The following AMMECR1 variants were observed in gnomAD, a reference collection of about 807,000 sequenced individuals.
AMMECR1 encodes the protein nuclear protein AMMECR1.
A neutral mutation model predicts 22.5 loss-of-function variants in AMMECR1; 3 were observed. The ratio of observed to expected loss-of-function variants is 0.13; its 90% CI spans 0.06 to 0.35. The LOEUF (loss-of-function observed/expected upper bound fraction) is 0.35, where lower values mean the gene tolerates loss of function less well. Ranked by LOEUF, AMMECR1 falls within the 10% of genes least tolerant of loss-of-function variation. The probability of loss-of-function intolerance (pLI) is 1.00; values close to 1 mark genes in which losing one functional copy is unlikely to be tolerated. For missense variants in AMMECR1, 235 were observed against 278.7 expected (o/e 0.84, Z 1.12); for synonymous variants, 130 against 116.7 (o/e 1.11, Z -0.74).
At chrX:110,430,795 G>A (rs1412178918) in intron 1 of AMMECR1, among the ~76,000 whole-genome samples, 1 of 112,496 alleles carries the variant, frequency 8.9e-6, no homozygotes, top group Non-Finnish European at 1.9e-5. Context: ...GTGAATAAAT[G>A]ACTGTTTTGA....
At chrX:110,325,790 T>A (rs889702906) in intron 2 of AMMECR1, among the ~76,000 whole-genome samples, 1 of 112,007 alleles carries the variant, frequency 8.9e-6, no homozygotes, top group African/African-American at 3.2e-5. Flanking sequence ...TTTATCTCTG[T>A]TTTAATCTTT....
At chrX:110,320,213 A>T (rs2068073767), upstream of AMMECR1, among the ~76,000 whole-genome samples, 1 of 112,382 alleles carries the variant, frequency 8.9e-6, no homozygotes, top group East Asian at 2.8e-4. Flanking sequence ...CAGAAGAGAA[A>T]GCAGATTGGT....
At chrX:110,397,059 C>G (rs759306230) in intron 2 of AMMECR1, among the ~76,000 whole-genome samples, 17 of 112,003 alleles carry the variant, frequency 1.5e-4, no homozygotes, top group Non-Finnish European at 3.2e-4. Context: ...TGCTCTCTGC[C>G]AAAGCAGATG....
chrX:110,334,286 A>C (rs973276641), intron 2 of AMMECR1, among the ~76,000 whole-genome samples: 2 of 111,982 alleles, frequency 1.8e-5, no homozygotes, highest in Non-Finnish European at 3.8e-5. Context: ...TCATGGCTGC[A>C]ATTCTAATTT....
rs1253194932 is a variant in AMMECR1, at chrX:110,197,833, C to T, written c.*687G>A. The T allele has an allele frequency of 8.9e-6, 1 of 111,813 alleles. No individual in the cohort carries two copies. The highest frequency in any genetic ancestry group is 3.3e-5 in the African/African-American group (1 of 30,646). 9.2% of individuals were successfully genotyped at this position (111,813 alleles called of 1,213,427 possible). A position where few individuals can be genotyped will look rare whatever the true frequency, so the allele number is the denominator to read the frequency against. ...CACAATAGGGATAAATGATTTCTCT[C>T]TCTCTGTGACAAGCCCTATCACGGA... On this transcript the variant is annotated 3_prime_UTR_variant, in exon 6 of 6. Transcript: ENST00000262844.
intron 2 of AMMECR1, among the ~76,000 whole-genome samples, chrX:110,395,903 C>T (rs777209137): frequency 1.8e-5 from 2 of 111,722 alleles, no homozygotes; most frequent in South Asian, 3.8e-4. Context: ...CTCCAGTGTC[C>T]TTCTAGGCTG....
At chrX:110,222,601 A>C (rs754664970) in intron 2 of AMMECR1, among the ~76,000 whole-genome samples, 209 of 109,359 alleles carry the variant, frequency 1.9e-3, no homozygotes, top group Admixed American at 5.0e-3. Flanking sequence ...TAAAAAAAAA[A>C]ACCATATTAT....
Position 110,195,346 on chromosome X carries a change from G to A in AMMECR1, c.*3174C>T, listed in dbSNP as rs992209817. ...CTACAGAGGGTAGTAGCACATTCTC[G>A]TGCAGTCAGAAGGCCACTTGAGGGG... On this transcript the variant is annotated 3_prime_UTR_variant, in exon 6 of 6. Transcript: ENST00000262844. 2.7e-5 allele frequency: 3 copies of A among 111,211 alleles called. No homozygotes were observed. Among genetic ancestry groups the A allele is most frequent in the Non-Finnish European group, 5.7e-5 (3 of 53,072 alleles). The allele number at this position is 111,211 out of a possible 1,213,427, so 9.2% of individuals were successfully genotyped here. A position where few individuals can be genotyped will look rare whatever the true frequency, so the allele number is the denominator to read the frequency against.
At chrX:110,436,254 G>A (rs988674625) in intron 1 of AMMECR1, among the ~76,000 whole-genome samples, 12 of 111,401 alleles carry the variant, frequency 1.1e-4, no homozygotes, top group Admixed American at 2.9e-4. Context: ...GAGTCAGGAT[G>A]TAGGCTGGGA....
chrX:110,223,164 G>A (rs1355314685), intron 2 of AMMECR1, among the ~76,000 whole-genome samples: 1 of 111,931 alleles, frequency 8.9e-6, no homozygotes, highest in Non-Finnish European at 1.9e-5. Context: ...GATACATAAA[G>A]AAACAGATGG....
At position 110,216,566 on chromosome X, in the gene AMMECR1, C is replaced by T. The variant is rs932847146; in HGVS notation, c.651G>A (p.Val217=). 1.7e-6 allele frequency: 2 copies of T among 1,209,479 alleles called. No individual in the cohort carries two copies. The highest frequency in any genetic ancestry group is 2.2e-6 in the Non-Finnish European group (2 of 893,896). ...CATCTTCAAAGTTAGTGAGCAGAGA[C>T]ACTGAGCAGAAAAGCCGTGGCAGCT... ...RDELPRLFCS[V]SLLTNFEDVC... Residue 217 remains valine (V), a synonymous_variant, in exon 3 of 6, where the codon GTG becomes GTA. Coordinates refer to ENST00000262844, the MANE Select transcript of AMMECR1 (RefSeq NM_015365.3).
intron 1 of AMMECR1, among the ~76,000 whole-genome samples, chrX:110,279,572 T>C (rs1434745233): frequency 8.9e-6 from 1 of 111,998 alleles, no homozygotes; most frequent in Non-Finnish European, 1.9e-5. Context: ...GATTATAAAG[T>C]TTAAAAAGAA....
intron 1 of AMMECR1, among the ~76,000 whole-genome samples, chrX:110,287,909 C>A (rs2067888871): frequency 8.9e-6 from 1 of 112,097 alleles, no homozygotes; most frequent in African/African-American, 3.2e-5. Flanking sequence ...ACCTTCTCTA[C>A]TATTTTTGCC....
At chrX:110,361,127 G>C (rs2068260743) in intron 2 of AMMECR1, among the ~76,000 whole-genome samples, 1 of 110,570 alleles carries the variant, frequency 9.0e-6, no homozygotes, top group Non-Finnish European at 1.9e-5. Flanking sequence ...AACAAAACCT[G>C]CTGCACTCAC....
chrX:110,238,685 G>A (rs1333951097), intron 2 of AMMECR1, among the ~76,000 whole-genome samples: 1 of 112,553 alleles, frequency 8.9e-6, no homozygotes, highest in Non-Finnish European at 1.9e-5. Context: ...CCAGCACAGT[G>A]CTCGAGCTCT....
At chrX:110,390,050 A>G (rs1327906813) in intron 2 of AMMECR1, among the ~76,000 whole-genome samples, 1 of 111,826 alleles carries the variant, frequency 8.9e-6, no homozygotes, top group Non-Finnish European at 1.9e-5. Flanking sequence ...CTTGAACAAG[A>G]TACAAACTTG....
intron 1 of AMMECR1, among the ~76,000 whole-genome samples, chrX:110,269,864 G>A (rs1352632956): frequency 1.8e-5 from 2 of 111,718 alleles, no homozygotes; most frequent in East Asian, 5.6e-4. Flanking sequence ...CATGTAATAG[G>A]GATGCCATAA....
chrX:110,317,150 GCAATGGGATA>G (rs2068052475), intron 1 of AMMECR1, among the ~76,000 whole-genome samples: 1 of 111,509 alleles, frequency 9.0e-6, no homozygotes, highest in African/African-American at 3.3e-5. Context: ...TTTTCATCCT[GCAATGGGATA>G]GTAGTTCTCC....
intron 1 of AMMECR1, among the ~76,000 whole-genome samples, chrX:110,310,400 C>T (rs2068018639): frequency 9.0e-6 from 1 of 110,930 alleles, no homozygotes; most frequent in African/African-American, 3.3e-5. Context: ...CAGTGCCTCT[C>T]CATGCACATG....
Sources: gnomAD v4.1 joint callset for allele counts (sites outside exome capture counted in the v4.1 genomes callset) on GRCh38, gnomAD v4.1.1 for gene constraint, MANE v1.5 for transcripts, NCBI Gene and HGNC (gene_info 2026-07-23, HGNC 2026-07-21) for gene names.